Variants in GCNA observed in about 807,000 individuals in gnomAD.
GCNA encodes the protein germ cell nuclear acidic peptidase, also known as germ cell nuclear acidic protein.
In GCNA, 3 loss-of-function variants were observed where a neutral mutation model predicts 38.8. The ratio of observed to expected loss-of-function variants is 0.08; its 90% CI spans 0.04 to 0.20. The LOEUF is 0.20. Ranked by LOEUF, GCNA falls within the 10% of genes least tolerant of loss-of-function variation. The pLI, the probability that GCNA is intolerant of heterozygous loss-of-function variation, is 1.00. For synonymous variants in GCNA, 195 were observed against 240.2 expected, an observed-to-expected ratio of 0.81 and a Z score of 1.74; for missense variants, 446 against 578.6, an observed-to-expected ratio of 0.77 and a Z score of 2.35.
Position 71,603,921 on chromosome X carries a change from C to G in GCNA, c.644C>G (p.Pro215Arg). Residue 215 changes from proline (P) to arginine (R), a missense_variant, in exon 8 of 13, where the codon CCC (proline) becomes CGC (arginine). Physicochemically the swap from Pro to Arg is moderately radical, Grantham distance 103. This residue lies in a region of GCNA where 118 missense variants were observed against 122.8 expected (regional missense o/e 0.96). Transcript: ENST00000373696. ...SDDNSDDSDVPDDKSDDSDVP... is the reference protein window; with the variant it reads ...SDDNSDDSDVRDDKSDDSDVP... ...GACAACAGTGATGATTCGGATGTTC[C>G]CGACGACAAGAGTGATGATTCGGAT... 5 of 1,208,933 alleles carry G rather than the reference C, an allele frequency of 4.1e-6. No homozygotes were observed. Among genetic ancestry groups the G allele is most frequent in the African/African-American group, 1.8e-5 (1 of 56,992 alleles).
chrX:71,606,672 G>C, intron 9 of GCNA, among the ~76,000 whole-genome samples: 1 of 111,941 alleles, frequency 8.9e-6, no homozygotes, highest in South Asian at 3.7e-4. Flanking sequence ...GGTTACCCCG[G>C]ACCTGAGCAG....
chrX:71,608,312 G>A (rs1050129987), intron 9 of GCNA, among the ~76,000 whole-genome samples: 1 of 111,940 alleles, frequency 8.9e-6, no homozygotes, highest in African/African-American at 3.2e-5. Context: ...TCGCACTGTC[G>A]CCGAGGCTGG....
chrX:71,610,313 T>C (rs1285318909), intron 10 of GCNA, among the ~76,000 whole-genome samples: 2 of 112,246 alleles, frequency 1.8e-5, no homozygotes, highest in African/African-American at 6.5e-5. Flanking sequence ...TTTTCTGGTC[T>C]GCTTAAAACT....
intron 1 of GCNA, among the ~76,000 whole-genome samples, chrX:71,578,815 A>G (rs907672980): frequency 5.7e-5 from 6 of 105,165 alleles, no homozygotes; most frequent in Non-Finnish European, 1.2e-4. Flanking sequence ...TGGTAGTGCC[A>G]GTGGCGGCGT....
chrX:71,605,696 C>T lies in GCNA; in HGVS notation c.1433C>T (p.Pro478Leu). Residue 478 changes from proline to leucine, a missense_variant, in exon 9 of 13, where the codon CCC becomes CTC. By Grantham distance (98) the Pro-to-Leu change is moderately conservative. This residue lies in a region of GCNA where 160 missense variants were observed against 165.2 expected (regional missense o/e 0.97). Coordinates refer to ENST00000373696, the MANE Select transcript of GCNA (RefSeq NM_052957.5). ...AAGCGTGGGCCTTCAAAGAAGAAAC[C>T]CGGTGCAGCAAAAGTTGAAAAACGC... ...HKKRGPSKKK[P>L]GAAKVEKRKT... 2.5e-6 allele frequency: 3 copies of T among 1,209,851 alleles called. No homozygotes were observed. The highest frequency in any genetic ancestry group is 1.7e-5 in the African/African-American group (1 of 57,712).
chrX:71,586,287 CTT>C (rs1044326301), intron 2 of GCNA, among the ~76,000 whole-genome samples: 6 of 110,832 alleles, frequency 5.4e-5, no homozygotes, highest in African/African-American at 1.6e-4. Context: ...TCAGAGATGT[CTT>C]TTCACATTTT....
Position 71,612,790 on chromosome X carries a change from C to G in GCNA, c.1956-72C>G. ...GAAAAGTATTGCTTTGGGCCCAAGG[C>G]TAACATCTCAGAGCTGATGCTGAGG... On this transcript the variant is annotated intron_variant, in intron 12 of 12. Coordinates refer to ENST00000373696, the MANE Select transcript of GCNA (RefSeq NM_052957.5). 3 of 1,171,448 alleles carry G rather than the reference C, an allele frequency of 2.6e-6. No individual in the cohort carries two copies. In the Admixed American group the frequency reaches 7.4e-5, roughly 29 times the overall value.
At chrX:71,598,834 C>A (rs1364398334) in intron 7 of GCNA, among the ~76,000 whole-genome samples, 1 of 110,749 alleles carries the variant, frequency 9.0e-6, no homozygotes, top group Non-Finnish European at 1.9e-5. Flanking sequence ...ATGGGACACC[C>A]TTAAAGCACC....
rs149346984 is a variant in GCNA, at chrX:71,599,631, G to T, written c.310+1593G>T. Among the ~76,000 whole-genome samples, 1,080 of 112,289 alleles carry T rather than the reference G, an allele frequency of 9.6e-3. 12 individuals are homozygous for T. Among genetic ancestry groups the T allele is most frequent in the African/African-American group, 0.034 (1,040 of 30,934 alleles). ...AGAATGCTCCTATAGGACTGGCTTT[G>T]TATGTTTCTTTGCTGTTCTCTACGT... On this transcript the variant is annotated intron_variant, in intron 7 of 12. Coordinates refer to ENST00000373696, the MANE Select transcript of GCNA (RefSeq NM_052957.5).
intron 7 of GCNA, among the ~76,000 whole-genome samples, chrX:71,602,273 A>C (rs2040721632): frequency 9.1e-6 from 1 of 110,319 alleles, no homozygotes; most frequent in African/African-American, 3.3e-5. Context: ...TATAACCCCC[A>C]CCTCCCAGGT....
intron 2 of GCNA, among the ~76,000 whole-genome samples, chrX:71,585,694 T>G (rs1193254053): frequency 1.8e-5 from 2 of 109,297 alleles, no homozygotes; most frequent in Non-Finnish European, 3.8e-5. Flanking sequence ...ACTGTTAGCT[T>G]GTTTTTTACT....
At chrX:71,609,203 C>T (rs2040792162) in intron 10 of GCNA, 86 bp downstream of exon 10, 2 of 969,459 alleles carry the variant, frequency 2.1e-6, no homozygotes, top group Admixed American at 2.9e-5. Flanking sequence ...ATGTATACTT[C>T]CTGCCCTTGA....
At position 71,597,947 on chromosome X, in the gene GCNA, C is replaced by T. The variant is rs769169817; in HGVS notation, c.222-3C>T. 7 of 1,195,488 alleles carry T rather than the reference C, an allele frequency of 5.9e-6. No individual in the cohort carries two copies. In the African/African-American group the frequency reaches 1.2e-4, roughly 21 times the overall value. ...CTTGTTTTTCTCCTGTTTCATCACTCAGCTCCGTGGTAGTGATTGACTCTG... is the reference window on the plus strand; with the variant it reads ...CTTGTTTTTCTCCTGTTTCATCACTTAGCTCCGTGGTAGTGATTGACTCTG... On this transcript the variant is annotated splice_region_variant and splice_polypyrimidine_tract_variant and intron_variant, in intron 6 of 12. Coordinates refer to ENST00000373696, the MANE Select transcript of GCNA (RefSeq NM_052957.5).
chrX:71,612,502 G>A lies in GCNA; in HGVS notation c.1898G>A (p.Cys633Tyr). 5 of 1,210,280 alleles carry A rather than the reference G, an allele frequency of 4.1e-6. No homozygotes were observed. Among genetic ancestry groups the A allele is most frequent in the Non-Finnish European group, 4.5e-6 (4 of 895,108 alleles). The change falls in exon 12 of 13, where the codon TGC (cysteine) becomes TAC (tyrosine). Residue 633 changes from cysteine to tyrosine, a missense_variant. Physicochemically the swap from Cys to Tyr is radical, Grantham distance 194 (BLOSUM62 -2). Coordinates refer to ENST00000373696, the MANE Select transcript of GCNA (RefSeq NM_052957.5). ...IHPELPRVTR[C>Y]HNYKINYKVH... The stretch of plus-strand genomic sequence containing the variant: ...CCGGAGCTGCCCAGGGTCACCCGTT[G>A]CCATAACTATAAGATTAACTACAAG...
intron 2 of GCNA, among the ~76,000 whole-genome samples, chrX:71,590,687 A>AT (rs768866231): frequency 0.011 from 1,088 of 103,181 alleles, 11 homozygotes; most frequent in Non-Finnish European, 0.015. Flanking sequence ...GCTAAGTCTA[A>AT]TTTTTTTTTT....
Position 71,582,141 on chromosome X carries a change from G to A in GCNA, c.59+1261G>A, listed in dbSNP as rs1356077414. On this transcript the variant is annotated intron_variant, in intron 2 of 12. Transcript: ENST00000373696. ...ATAAAAAAATTAGCTGGGCACGGCGGCTGCACCTATAGTCCCAGCTACTCG... is the reference window on the plus strand; with the variant it reads ...ATAAAAAAATTAGCTGGGCACGGCGACTGCACCTATAGTCCCAGCTACTCG... Among the ~76,000 whole-genome samples the A allele has an allele frequency of 7.4e-5, 8 of 107,834 alleles. No homozygotes were observed. The Admixed American group carries it at 8.1e-4, about 11-fold the overall frequency. 93.6% of individuals were successfully genotyped at this position (107,834 alleles called of 115,157 possible). A position where few individuals can be genotyped will look rare whatever the true frequency, so the allele number is the denominator to read the frequency against.
chrX:71,583,388 G>A (rs377713803), intron 2 of GCNA, among the ~76,000 whole-genome samples: 3 of 110,904 alleles, frequency 2.7e-5, no homozygotes, highest in Non-Finnish European at 3.8e-5. Context: ...AGGTTGAGGC[G>A]GGAGGAATGC....
chrX:71,585,750 T>A (rs368104574), intron 2 of GCNA, among the ~76,000 whole-genome samples: 1 of 106,732 alleles, frequency 9.4e-6, no homozygotes. Flanking sequence ...TGGGCATATA[T>A]GTGTAATTAC....
At chrX:71,608,208 G>C (rs2040782290) in intron 9 of GCNA, among the ~76,000 whole-genome samples, 1 of 112,094 alleles carries the variant, frequency 8.9e-6, no homozygotes, top group Non-Finnish European at 1.9e-5. Flanking sequence ...GGAGGTGCTG[G>C]CTGGAAGAGA....
Sources: gnomAD v4.1 joint callset for allele counts (sites outside exome capture counted in the v4.1 genomes callset) on GRCh38, gnomAD v4.1.1 for gene constraint, gnomAD v4.1.1 regional missense constraint, MANE v1.5 for transcripts, NCBI Gene and HGNC (gene_info 2026-07-23, HGNC 2026-07-21) for gene names.